Variants in SYT1 observed in about 807,000 individuals in gnomAD.
SYT1 encodes synaptotagmin 1, also known as synaptotagmin-1.
In SYT1, 8 loss-of-function variants were observed where a neutral mutation model predicts 44.8. That is an observed-to-expected ratio of 0.18 (90% CI 0.10 to 0.32). SYT1 has a LOEUF of 0.32. Among genes scored for constraint, SYT1 ranks in the 10% least tolerant of loss-of-function variants. SYT1 has a pLI of 1.00. For missense variants in SYT1, 286 were observed against 509.3 expected (o/e 0.56, Z 4.22); for synonymous variants, 154 against 188.8 (o/e 0.82, Z 1.51).
chr12:79,339,430 G>C (rs939840159), intron 8 of SYT1, among the ~76,000 whole-genome samples: 7 of 152,194 alleles, frequency 4.6e-5, no homozygotes, highest in Non-Finnish European at 7.3e-5. Flanking sequence ...GTGATGATGA[G>C]CATTTTTTCA....
chr12:79,164,850 C>T (rs140523627), intron 3 of SYT1, among the ~76,000 whole-genome samples: 5 of 151,876 alleles, frequency 3.3e-5, no homozygotes, highest in Non-Finnish European at 7.4e-5. Flanking sequence ...CAGAACCCGG[C>T]GGATACCTAA....
intron 4 of SYT1, among the ~76,000 whole-genome samples, chr12:79,224,567 C>T (rs1875375629): frequency 1.3e-5 from 2 of 151,924 alleles, no homozygotes; most frequent in Admixed American, 6.5e-5. Context: ...GTAGATTGAA[C>T]GAGGTGGAGA....
chr12:79,071,692 A>T (rs1876288304), intron 3 of SYT1, among the ~76,000 whole-genome samples: 1 of 152,122 alleles, frequency 6.6e-6, no homozygotes, highest in Non-Finnish European at 1.5e-5. Context: ...TGGTAGCCCC[A>T]GGCACTTCTT....
intron 1 of SYT1, among the ~76,000 whole-genome samples, chr12:78,931,690 C>T (rs181026002): frequency 1.3e-5 from 2 of 152,274 alleles, no homozygotes; most frequent in Non-Finnish European, 1.5e-5. Flanking sequence ...AGCTCTCCTA[C>T]CAGCTGCTAT....
intron 3 of SYT1, among the ~76,000 whole-genome samples, chr12:79,176,871 T>C (rs968377935): frequency 4.5e-4 from 68 of 151,972 alleles, no homozygotes; most frequent in African/African-American, 1.6e-3. Flanking sequence ...CATACTTCAG[T>C]AGTATCTCCT....
intron 4 of SYT1, among the ~76,000 whole-genome samples, chr12:79,252,327 T>C (rs1357952969): frequency 8.6e-5 from 13 of 151,766 alleles, no homozygotes; most frequent in Admixed American, 7.9e-4. Context: ...AGGATTATTA[T>C]CATCATCATC....
chr12:79,204,551 A>G (rs574099368), intron 3 of SYT1, among the ~76,000 whole-genome samples: 2 of 152,232 alleles, frequency 1.3e-5, no homozygotes, highest in South Asian at 2.1e-4. Flanking sequence ...GCTTGCTTCA[A>G]CTAAGCTATA....
chr12:78,971,603 A>G (rs1037323219), intron 1 of SYT1, among the ~76,000 whole-genome samples: 9 of 152,176 alleles, frequency 5.9e-5, no homozygotes, highest in Non-Finnish European at 1.3e-4. Flanking sequence ...ATTTTTCCTA[A>G]CATTTTTGAT....
chr12:79,286,101 C>A, intron 5 of SYT1, 130 bp downstream of exon 5: 1 of 1,016,688 alleles, frequency 9.8e-7, no homozygotes, highest in Non-Finnish European at 1.4e-6. Flanking sequence ...CTTTGCAAAC[C>A]TTTCAGTCAT....
intron 1 of SYT1, among the ~76,000 whole-genome samples, chr12:78,902,656 T>C (rs2137101891): frequency 6.6e-6 from 1 of 152,320 alleles, no homozygotes; most frequent in South Asian, 2.1e-4. Flanking sequence ...CTTGAGTTTT[T>C]TAACAACCAA....
At chr12:79,308,638 AAGAAAG>A in intron 8 of SYT1, among the ~76,000 whole-genome samples, 1 of 151,070 alleles carries the variant, frequency 6.6e-6, no homozygotes, top group Non-Finnish European at 1.5e-5. Context: ...GAAAGAAAGA[AAGAAAG>A]AAAGAAAGAA....
At chr12:79,068,236 C>T (rs895607058) in intron 3 of SYT1, among the ~76,000 whole-genome samples, 3 of 152,120 alleles carry the variant, frequency 2.0e-5, no homozygotes, top group Non-Finnish European at 4.4e-5. Flanking sequence ...CTAGACAGCT[C>T]TATTTCCTGC....
At chr12:79,093,278 A>C (rs2138012445) in intron 3 of SYT1, among the ~76,000 whole-genome samples, 1 of 151,878 alleles carries the variant, frequency 6.6e-6, no homozygotes, top group Non-Finnish European at 1.5e-5. Context: ...AAAGGTTCGA[A>C]GCATTCGATC....
At chr12:79,181,341 T>G (rs1872531706) in intron 3 of SYT1, among the ~76,000 whole-genome samples, 1 of 152,196 alleles carries the variant, frequency 6.6e-6, no homozygotes, top group Non-Finnish European at 1.5e-5. Flanking sequence ...CATAGAAATT[T>G]GGAGTGGAAA....
intron 1 of SYT1, among the ~76,000 whole-genome samples, chr12:78,910,408 CT>C (rs1876250278): frequency 6.6e-6 from 1 of 151,904 alleles, no homozygotes; most frequent in Non-Finnish European, 1.5e-5. Flanking sequence ...CCTGGGTTAA[CT>C]TTTTTAGACT....
At chr12:79,173,201 T>G (rs4842439) in intron 3 of SYT1, among the ~76,000 whole-genome samples, 17,124 of 151,888 alleles carry the variant, frequency 0.11, 1,515 homozygotes, top group African/African-American at 0.25. Flanking sequence ...TAAATGTGTA[T>G]CCCCAATTTG....
intron 1 of SYT1, among the ~76,000 whole-genome samples, chr12:78,877,363 C>T (rs757724574): frequency 2.6e-4 from 40 of 151,470 alleles, no homozygotes; most frequent in African/African-American, 8.2e-4. Flanking sequence ...CCCATGATTC[C>T]GTTACCTCCC....
chr12:78,894,737 G>A (rs1463890416), intron 1 of SYT1, among the ~76,000 whole-genome samples: 1 of 151,558 alleles, frequency 6.6e-6, no homozygotes, highest in East Asian at 2.0e-4. Context: ...TAGAAACAGA[G>A]AGTCAAATGC....
At position 78,929,516 on chromosome 12, in the gene SYT1, C is replaced by A. The variant is rs527449878; in HGVS notation, c.-216-48283C>A. Among the ~76,000 whole-genome samples the A allele has an allele frequency of 5.7e-5, 8 of 140,796 alleles. No homozygotes were observed. In the Admixed American group the frequency reaches 5.8e-4, roughly 10 times the overall value. The allele number at this position is 140,796 out of a possible 152,430, so 92.4% of individuals were successfully genotyped here. A position where few individuals can be genotyped will look rare whatever the true frequency, so the allele number is the denominator to read the frequency against. ...ACTCAATAATTTTACTTTCTAACTT[C>A]ACAATTTATGTAGTGTTTGAATGAT... On this transcript the variant is annotated intron_variant, in intron 1 of 10. Transcript: ENST00000261205.
Sources: gnomAD v4.1 joint callset for allele counts (sites outside exome capture counted in the v4.1 genomes callset) on GRCh38, gnomAD v4.1.1 for gene constraint, MANE v1.5 for transcripts, NCBI Gene and HGNC (gene_info 2026-07-23, HGNC 2026-07-21) for gene names.